ESF1: variants seen among roughly 807,000 people sequenced by gnomAD.
ESF1 encodes ESF1 homolog.
In ESF1, 58 loss-of-function variants were observed where a neutral mutation model predicts 92.0. The ratio of observed to expected loss-of-function variants is 0.63; its 90% CI spans 0.51 to 0.78. The LOEUF (loss-of-function observed/expected upper bound fraction) is 0.78, where lower values mean the gene tolerates loss of function less well. Among genes scored for constraint, ESF1 ranks in the 30% least tolerant of loss-of-function variants. The probability of loss-of-function intolerance (pLI) is 0.00; values close to 1 mark genes in which losing one functional copy is unlikely to be tolerated. For missense variants in ESF1, 922 were observed against 989.1 expected, an observed-to-expected ratio of 0.93 and a Z score of 0.91; for synonymous variants, 321 against 313.7, an observed-to-expected ratio of 1.02 and a Z score of -0.24.
intron 4 of ESF1, among the ~76,000 whole-genome samples, chr20:13,774,879 TTA>T (rs1979852711): frequency 6.6e-6 from 1 of 152,200 alleles, no homozygotes; most frequent in Non-Finnish European, 1.5e-5. Context: ...GGAATGCAAT[TTA>T]TTGTTAAAAA....
intron 13 of ESF1, among the ~76,000 whole-genome samples, chr20:13,716,940 C>T (rs1159214304): frequency 6.6e-6 from 1 of 150,732 alleles, no homozygotes; most frequent in Non-Finnish European, 1.5e-5. Flanking sequence ...GCCTCAGCCT[C>T]CTGAGTAGCT....
chr20:13,717,843 C>T (rs1236269348), intron 12 of ESF1, among the ~76,000 whole-genome samples: 1 of 152,086 alleles, frequency 6.6e-6, no homozygotes, highest in Admixed American at 6.5e-5. Flanking sequence ...AAAAAGTTCT[C>T]ATTTTCACTT....
At chr20:13,718,754 T>TAAAAAACAAAAAACAAAAAAAA (rs77388094) in intron 12 of ESF1, among the ~76,000 whole-genome samples, 154 bp downstream of exon 12, 9,474 of 152,190 alleles carry the variant, frequency 0.062, 477 homozygotes, top group East Asian at 0.18. Flanking sequence ...ATTTAGAAAC[T>TAAAAAACAAAAAACAAAAAAAA]ACACTGCTAA....
At chr20:13,733,679 G>C in intron 10 of ESF1, 42 bp downstream of exon 10, 1 of 1,586,364 alleles carries the variant, frequency 6.3e-7, no homozygotes, top group Non-Finnish European at 8.6e-7. Context: ...CTGATATATG[G>C]TTGGTATTCA....
chr20:13,752,134 G>A (rs2147753697), intron 9 of ESF1, among the ~76,000 whole-genome samples: 1 of 152,296 alleles, frequency 6.6e-6, no homozygotes, highest in African/African-American at 2.4e-5. Flanking sequence ...ATCATTTTTA[G>A]ATAACTCTTA....
intron 9 of ESF1, among the ~76,000 whole-genome samples, chr20:13,755,732 G>C (rs1345098901): frequency 5.3e-5 from 8 of 152,066 alleles, no homozygotes; most frequent in African/African-American, 1.7e-4. Flanking sequence ...TTGATAGAAA[G>C]AGTAGCTCAT....
At chr20:13,783,453 G>A (rs897697215) in intron 1 of ESF1, among the ~76,000 whole-genome samples, 1 of 152,176 alleles carries the variant, frequency 6.6e-6, no homozygotes, top group African/African-American at 2.4e-5. Flanking sequence ...TTATGGAGGG[G>A]AACAAATGTT....
intron 6 of ESF1, 118 bp downstream of exon 6, chr20:13,771,213 G>A (rs1183648160): frequency 5.9e-6 from 6 of 1,009,178 alleles, no homozygotes; most frequent in South Asian, 3.0e-5. Context: ...AGAGTTAACC[G>A]AAAAGCAAAA....
chr20:13,722,863 AG>A (rs1007818506), intron 11 of ESF1, among the ~76,000 whole-genome samples: 27 of 152,104 alleles, frequency 1.8e-4, no homozygotes, highest in Admixed American at 1.4e-3. Flanking sequence ...CAAAAAAAGA[AG>A]AAAAAAAAAA....
At chr20:13,732,912 T>C (rs889139387) in intron 10 of ESF1, among the ~76,000 whole-genome samples, 11 of 19,402 alleles carry the variant, frequency 5.7e-4, no homozygotes, top group South Asian at 0.015. Context: ...TCTTATTTAT[T>C]TATTTATTTA....
chr20:13,742,341 T>C (rs137860167), intron 9 of ESF1, among the ~76,000 whole-genome samples: 2,792 of 152,056 alleles, frequency 0.018, 91 homozygotes, highest in African/African-American at 0.062. Context: ...GGTGTGGTAG[T>C]GAGTGACTGT....
At position 13,748,433 on chromosome 20, in the gene ESF1, T is replaced by TATATACATATACAC. The variant is rs1202583007; in HGVS notation, c.1828+11258_1828+11259insGTGTATATGTATAT. The stretch of plus-strand genomic sequence containing the variant: ...ACACATATATATACATATACACATA[T>TATATACATATACAC]ATATACACATATATACATATATATA... On this transcript the variant is annotated intron_variant, in intron 9 of 13. Coordinates refer to ENST00000617257, the MANE Select transcript of ESF1 (RefSeq NM_001276380.2). Among the ~76,000 whole-genome samples the TATATACATATACAC allele has an allele frequency of 5.5e-3, 799 of 145,034 alleles. 4 individuals are homozygous for TATATACATATACAC. Among genetic ancestry groups the TATATACATATACAC allele is most frequent in the Non-Finnish European group, 7.9e-3 (528 of 67,098 alleles).
At chr20:13,720,390 T>C (rs1212514275) in intron 11 of ESF1, among the ~76,000 whole-genome samples, 1 of 152,150 alleles carries the variant, frequency 6.6e-6, no homozygotes, top group African/African-American at 2.4e-5. Context: ...TATGAAATCC[T>C]ATGCCCCTAG....
chr20:13,740,991 AT>A (rs78440205), intron 9 of ESF1, among the ~76,000 whole-genome samples: 16,641 of 152,012 alleles, frequency 0.11, 1,222 homozygotes, highest in East Asian at 0.21. Context: ...AATCCTCAAT[AT>A]TCACAGCCTC....
chr20:13,758,304 A>G (rs1978992956), intron 9 of ESF1, among the ~76,000 whole-genome samples: 1 of 152,204 alleles, frequency 6.6e-6, no homozygotes, highest in South Asian at 2.1e-4. Context: ...CTCCAGGCCA[A>G]ATCAATTGAG....
intron 9 of ESF1, among the ~76,000 whole-genome samples, chr20:13,746,611 A>G (rs912894532): frequency 1.3e-5 from 2 of 152,180 alleles, no homozygotes; most frequent in South Asian, 2.1e-4. Flanking sequence ...GTGGCTTGAC[A>G]TTCAAGGGTG....
chr20:13,784,627 C>T (rs1017907497), intron 1 of ESF1, among the ~76,000 whole-genome samples: 3 of 152,092 alleles, frequency 2.0e-5, no homozygotes, highest in Non-Finnish European at 4.4e-5. Flanking sequence ...CAGGGCTGGC[C>T]CCTGAACTAG....
intron 8 of ESF1, chr20:13,762,743 G>A (rs1979255868): frequency 2.9e-6 from 1 of 340,346 alleles, no homozygotes. Context: ...GTATCTATGA[G>A]AGGTACTAAA....
chr20:13,719,347 T>C (rs1480619402), intron 11 of ESF1, among the ~76,000 whole-genome samples: 1 of 152,116 alleles, frequency 6.6e-6, no homozygotes, highest in East Asian at 1.9e-4. Context: ...AAAAGTAGTA[T>C]ACACATTTAA....
Sources: allele counts gnomAD v4.1 joint callset (sites outside exome capture counted in the v4.1 genomes callset), GRCh38; gene constraint gnomAD v4.1.1; transcripts MANE v1.5; gene names NCBI Gene and HGNC (gene_info 2026-07-23, HGNC 2026-07-21).